The following EPHA5 variants were observed in gnomAD, a reference collection of about 807,000 sequenced individuals.
The protein encoded by EPHA5 is EPH receptor A5.
In EPHA5, 60 loss-of-function variants were observed where a neutral mutation model predicts 105.0. The observed-to-expected ratio is 0.57, with a 90% CI of 0.46 to 0.71. The LOEUF (loss-of-function observed/expected upper bound fraction) is 0.71. Among genes scored for constraint, EPHA5 ranks in the 30% least tolerant of loss-of-function variants. The probability of loss-of-function intolerance (pLI) is 0.00; values close to 1 mark genes in which losing one functional copy is unlikely to be tolerated. For synonymous variants in EPHA5, 513 were observed against 449.1 expected (o/e 1.14, Z -1.80); for missense variants, 1,218 against 1,274.7 (o/e 0.96, Z 0.68).
chr4:65,499,219 C>T (rs926050421), intron 3 of EPHA5, among the ~76,000 whole-genome samples: 8 of 151,598 alleles, frequency 5.3e-5, no homozygotes, highest in Non-Finnish European at 1.0e-4. Flanking sequence ...TACCCATCTT[C>T]TCTACCTTTA....
At chr4:65,454,193 T>G (rs187805496) in intron 5 of EPHA5, among the ~76,000 whole-genome samples, 18 of 152,166 alleles carry the variant, frequency 1.2e-4, no homozygotes, top group Admixed American at 1.1e-3. Flanking sequence ...GGCAGAAGAA[T>G]CGCTTGAACT....
chr4:65,393,026 G>A (rs1387993313), intron 8 of EPHA5, among the ~76,000 whole-genome samples: 2 of 152,138 alleles, frequency 1.3e-5, no homozygotes, highest in African/African-American at 4.8e-5. Context: ...ATTGTTCAAA[G>A]GAGAGAATAC....
chr4:65,661,207 A>T lies in EPHA5; in HGVS notation c.181+8355T>A, dbSNP rs1453656563. 2.6e-5 allele frequency among the ~76,000 whole-genome samples: 4 copies of T among 152,260 alleles called. No individual in the cohort carries two copies. The East Asian group carries it at 7.7e-4, about 29-fold the overall frequency. ...TAGAGACTAGCACAAACAAAAACTA[A>T]AACCATGTTTGTTTTTTAATTCAAA... On this transcript the variant is annotated intron_variant, in intron 1 of 16. Transcript: ENST00000613740.
chr4:65,641,599 T>C (rs1328627438), intron 2 of EPHA5, among the ~76,000 whole-genome samples: 1 of 152,042 alleles, frequency 6.6e-6, no homozygotes, highest in Non-Finnish European at 1.5e-5. Flanking sequence ...ATATAATACA[T>C]TTTTTCCTTC....
chr4:65,338,508 C>A (rs983655691), intron 14 of EPHA5, among the ~76,000 whole-genome samples: 1 of 151,702 alleles, frequency 6.6e-6, no homozygotes, highest in South Asian at 2.1e-4. Flanking sequence ...CTAAGCACAA[C>A]AATACAGATG....
At chr4:65,544,363 C>T (rs1490157584) in intron 3 of EPHA5, among the ~76,000 whole-genome samples, 2 of 151,874 alleles carry the variant, frequency 1.3e-5, no homozygotes, top group East Asian at 3.9e-4. Context: ...TTAAAAGGAA[C>T]TTAAACAAAT....
chr4:65,388,138 G>C (rs977451931), intron 8 of EPHA5, among the ~76,000 whole-genome samples: 7 of 150,328 alleles, frequency 4.7e-5, no homozygotes, highest in Non-Finnish European at 8.9e-5. Context: ...CCCTACAAAG[G>C]ACATGAACTC....
chr4:65,346,529 G>A (rs970445401), intron 14 of EPHA5, among the ~76,000 whole-genome samples: 5 of 151,900 alleles, frequency 3.3e-5, no homozygotes, highest in African/African-American at 1.2e-4. Flanking sequence ...GTGTGAAGTT[G>A]GGGTTTCATT....
At chr4:65,651,656 A>G (rs377756726) in intron 1 of EPHA5, among the ~76,000 whole-genome samples, 1 of 151,982 alleles carries the variant, frequency 6.6e-6, no homozygotes, top group African/African-American at 2.4e-5. Flanking sequence ...TTTCATCTTT[A>G]TTTATTTTAC....
At chr4:65,651,057 A>T (rs1462156039) in intron 1 of EPHA5, among the ~76,000 whole-genome samples, 1 of 152,148 alleles carries the variant, frequency 6.6e-6, no homozygotes, top group Non-Finnish European at 1.5e-5. Flanking sequence ...TGTGAAGGGG[A>T]TCTGCAAAGG....
chr4:65,525,826 A>G (rs1164373101), intron 3 of EPHA5, among the ~76,000 whole-genome samples: 3 of 151,896 alleles, frequency 2.0e-5, no homozygotes, highest in African/African-American at 4.8e-5. Flanking sequence ...AACAAGTACC[A>G]TGGGATTTTT....
intron 5 of EPHA5, among the ~76,000 whole-genome samples, chr4:65,489,918 T>C (rs1243195074): frequency 1.3e-5 from 2 of 152,114 alleles, no homozygotes; most frequent in Non-Finnish European, 2.9e-5. Context: ...TGAAAAAATA[T>C]GAAAAGATTT....
At chr4:65,551,041 CAT>C (rs367904006) in intron 3 of EPHA5, among the ~76,000 whole-genome samples, 178 of 151,710 alleles carry the variant, frequency 1.2e-3, no homozygotes, top group African/African-American at 4.2e-3. Context: ...TCTATTTACA[CAT>C]ATATGTGTAG....
chr4:65,511,489 T>C (rs1733624808), intron 3 of EPHA5, among the ~76,000 whole-genome samples: 1 of 152,208 alleles, frequency 6.6e-6, no homozygotes. Context: ...ACATCAAATA[T>C]ATTTTGTAAA....
intron 8 of EPHA5, among the ~76,000 whole-genome samples, chr4:65,390,572 A>C (rs1388053589): frequency 6.6e-6 from 1 of 151,994 alleles, no homozygotes; most frequent in Non-Finnish European, 1.5e-5. Context: ...CATCAGTTAG[A>C]TGAACACAGG....
chr4:65,547,777 C>T (rs1737523934), intron 3 of EPHA5, among the ~76,000 whole-genome samples: 1 of 151,900 alleles, frequency 6.6e-6, no homozygotes, highest in Admixed American at 6.6e-5. Flanking sequence ...AATCCAGGGC[C>T]ACTCAATGAC....
At chr4:65,555,845 TTCAGCCTG>T (rs1235467369) in intron 3 of EPHA5, among the ~76,000 whole-genome samples, 1 of 152,110 alleles carries the variant, frequency 6.6e-6, no homozygotes, top group Non-Finnish European at 1.5e-5. Flanking sequence ...ATTTGGCATT[TTCAGCCTG>T]TATTTATTTA....
At chr4:65,572,686 T>C (rs1312579596) in intron 3 of EPHA5, among the ~76,000 whole-genome samples, 1 of 152,114 alleles carries the variant, frequency 6.6e-6, no homozygotes, top group Non-Finnish European at 1.5e-5. Flanking sequence ...AAACTAGAAA[T>C]AGAAAAAAAC....
intron 7 of EPHA5, among the ~76,000 whole-genome samples, chr4:65,412,927 T>C (rs896561101): frequency 6.6e-6 from 1 of 152,178 alleles, no homozygotes; most frequent in Non-Finnish European, 1.5e-5. Flanking sequence ...GGTATAGTTA[T>C]CAAAGCACTC....
Sources: gnomAD v4.1 joint callset for allele counts (sites outside exome capture counted in the v4.1 genomes callset) on GRCh38, gnomAD v4.1.1 for gene constraint, MANE v1.5 for transcripts, NCBI Gene and HGNC (gene_info 2026-07-23, HGNC 2026-07-21) for gene names.